The following COL27A1 variants were observed in gnomAD, a reference collection of about 807,000 sequenced individuals.
COL27A1 encodes collagen type XXVII alpha 1 chain, also known as collagen alpha-1(XXVII) chain.
In COL27A1, 106 loss-of-function variants were observed where a neutral mutation model predicts 251.3. That is an observed-to-expected ratio of 0.42 (90% CI 0.36 to 0.50). The LOEUF (loss-of-function observed/expected upper bound fraction) is 0.50. Ranked by LOEUF, COL27A1 falls within the 20% of genes least tolerant of loss-of-function variation. The probability of loss-of-function intolerance (pLI) is 0.00; values close to 1 mark genes in which losing one functional copy is unlikely to be tolerated. For synonymous variants in COL27A1, 1,000 were observed against 986.3 expected (o/e 1.01, Z -0.26); for missense variants, 2,325 against 2,522.8 (o/e 0.92, Z 1.68).
At position 114,167,863 on chromosome 9, in the gene COL27A1, G is replaced by A. The variant is rs759427839; in HGVS notation, c.308G>A (p.Ser103Asn). The change falls in exon 3 of 61, where the codon AGC becomes AAC. Residue 103 changes from serine (S) to asparagine (N), a missense_variant. This residue lies in a region of COL27A1 where 1,183 missense variants were observed against 1,144.1 expected (regional missense o/e 1.03). Coordinates refer to ENST00000356083, the MANE Select transcript of COL27A1 (RefSeq NM_032888.4). ...GGCACAGAGCTGGCACTGGTGCTGA[G>A]CCTCTGCTCCCACCGGGTGAACCAT... Reference protein sequence around the residue: ...ALGTELALVLSLCSHRVNHAF... With the variant: ...ALGTELALVLNLCSHRVNHAF... The A allele has an allele frequency of 1.2e-6, 2 of 1,613,564 alleles. No homozygotes were observed. The highest frequency in any genetic ancestry group is 2.2e-5 in the South Asian group (2 of 91,076).
intron 3 of COL27A1, 140 bp downstream of exon 3, chr9:114,169,603 G>A: frequency 1.7e-6 from 1 of 595,462 alleles, no homozygotes; most frequent in East Asian, 2.9e-5. Flanking sequence ...CTTGGCTCCA[G>A]CCAGGCCCCC....
chr9:114,160,185 C>G (rs1283247114), intron 1 of COL27A1, among the ~76,000 whole-genome samples: 6 of 149,852 alleles, frequency 4.0e-5, no homozygotes, highest in Non-Finnish European at 1.5e-5. Flanking sequence ...GGCAGAGTCT[C>G]GCTCTGTCGC....
chr9:114,205,716 CA>C (rs1380077710), intron 8 of COL27A1, 42 bp from the exon 9 acceptor site: 3 of 1,582,554 alleles, frequency 1.9e-6, no homozygotes, highest in Non-Finnish European at 2.6e-6. Flanking sequence ...CAGAGCTGGG[CA>C]GGGTCTTTCT....
At chr9:114,302,903 A>G (rs1265094469) in intron 56 of COL27A1, among the ~76,000 whole-genome samples, 4 of 152,002 alleles carry the variant, frequency 2.6e-5, no homozygotes, top group Non-Finnish European at 4.4e-5. Context: ...TCAGGCCCCA[A>G]CAGCATCCCA....
intron 16 of COL27A1, among the ~76,000 whole-genome samples, chr9:114,234,837 C>T (rs1163874276): frequency 1.3e-5 from 2 of 150,802 alleles, no homozygotes; most frequent in African/African-American, 4.9e-5. Context: ...CAGCACGAGG[C>T]GGGCAGATCA....
chr9:114,246,479 G>T (rs1030747722), intron 24 of COL27A1, among the ~76,000 whole-genome samples: 1 of 152,216 alleles, frequency 6.6e-6, no homozygotes, highest in Non-Finnish European at 1.5e-5. Flanking sequence ...AGCTCTGAGG[G>T]ATGGGCAGAG....
chr9:114,173,351 A>G (rs1196128732), intron 3 of COL27A1, among the ~76,000 whole-genome samples: 1 of 152,264 alleles, frequency 6.6e-6, no homozygotes, highest in Non-Finnish European at 1.5e-5. Context: ...CTATCTATCT[A>G]TGAAATGAAC....
At chr9:114,203,456 C>A (rs1006396401) in intron 7 of COL27A1, among the ~76,000 whole-genome samples, 1 of 152,128 alleles carries the variant, frequency 6.6e-6, no homozygotes, top group Non-Finnish European at 1.5e-5. Flanking sequence ...ACCCAGCCAG[C>A]CAGTTAGTAC....
At chr9:114,187,409 T>C (rs541761650) in intron 5 of COL27A1, among the ~76,000 whole-genome samples, 40 of 152,378 alleles carry the variant, frequency 2.6e-4, no homozygotes, top group African/African-American at 9.1e-4. Flanking sequence ...TTGAGCAACC[T>C]TTGGGCCAGG....
chr9:114,202,859 G>A (rs1338345338), intron 7 of COL27A1, among the ~76,000 whole-genome samples: 1 of 152,026 alleles, frequency 6.6e-6, no homozygotes, highest in Non-Finnish European at 1.5e-5. Context: ...CCAATGCCGT[G>A]TTCTCTGTCT....
intron 12 of COL27A1, among the ~76,000 whole-genome samples, chr9:114,212,119 G>A (rs1302600032): frequency 1.3e-5 from 2 of 152,254 alleles, no homozygotes; most frequent in Non-Finnish European, 2.9e-5. Context: ...TCAAAGAGCT[G>A]ACAGAGGAGG....
intron 15 of COL27A1, among the ~76,000 whole-genome samples, chr9:114,231,544 A>AC (rs1404150957): frequency 6.6e-6 from 1 of 151,954 alleles, no homozygotes; most frequent in Non-Finnish European, 1.5e-5. Context: ...AATTTAACCA[A>AC]CGTGCGTGTG....
chr9:114,247,009 A>T (rs1833188149), intron 24 of COL27A1, among the ~76,000 whole-genome samples: 2 of 152,196 alleles, frequency 1.3e-5, no homozygotes, highest in African/African-American at 4.8e-5. Context: ...TAAGAGCCCT[A>T]ACCATATTTT....
At position 114,241,543 on chromosome 9, in the gene COL27A1, C is replaced by T. The variant is rs376841159; in HGVS notation, c.2836-644C>T. ...GGAGCACCTGGAGAGTCTCATGGGC[C>T]GGAAGCGGGAAGGAAGGGGAGAGGA... On this transcript the variant is annotated intron_variant, in intron 21 of 60. Coordinates refer to ENST00000356083, the MANE Select transcript of COL27A1 (RefSeq NM_032888.4). Among the ~76,000 whole-genome samples the T allele has an allele frequency of 1.2e-4, 19 of 152,286 alleles. No homozygotes were observed. The East Asian group carries it at 1.4e-3, about 11-fold the overall frequency.
intron 41 of COL27A1, among the ~76,000 whole-genome samples, chr9:114,286,996 C>A (rs1827541301): frequency 6.6e-6 from 1 of 152,194 alleles, no homozygotes; most frequent in African/African-American, 2.4e-5. Flanking sequence ...GGCCCCTTCC[C>A]CAAAGCCGTC....
intron 37 of COL27A1, among the ~76,000 whole-genome samples, chr9:114,277,606 T>C (rs1835589464): frequency 6.6e-6 from 1 of 152,022 alleles, no homozygotes; most frequent in Non-Finnish European, 1.5e-5. Flanking sequence ...CAGAATGAAC[T>C]CACCAAACTA....
intron 18 of COL27A1, 40 bp downstream of exon 18, chr9:114,237,074 C>G (rs917099936): frequency 2.9e-5 from 45 of 1,536,988 alleles, no homozygotes; most frequent in Non-Finnish European, 3.9e-5. Flanking sequence ...ACCTCACACT[C>G]TCCAACTGAT....
chr9:114,266,758 A>T, intron 33 of COL27A1, 140 bp downstream of exon 33: 1 of 723,416 alleles, frequency 1.4e-6, no homozygotes, highest in Non-Finnish European at 2.3e-6. Flanking sequence ...TAGTTCAGAG[A>T]AGGGTGGACG....
intron 7 of COL27A1, among the ~76,000 whole-genome samples, chr9:114,204,697 A>G (rs1447852614): frequency 7.2e-5 from 11 of 152,186 alleles, no homozygotes; most frequent in South Asian, 2.1e-4. Flanking sequence ...GGCTCAGCAC[A>G]GTCCAGACCT....
Sources: gnomAD v4.1 joint callset for allele counts (sites outside exome capture counted in the v4.1 genomes callset) on GRCh38, gnomAD v4.1.1 for gene constraint, gnomAD v4.1.1 regional missense constraint, MANE v1.5 for transcripts, NCBI Gene and HGNC (gene_info 2026-07-23, HGNC 2026-07-21) for gene names.